Variants in PCSK5 observed in about 807,000 individuals in gnomAD.
The protein encoded by PCSK5 is proprotein convertase subtilisin/kexin type 5.
In PCSK5, 129 loss-of-function variants were observed where a neutral mutation model predicts 233.2. That is an observed-to-expected ratio of 0.55 (90% CI 0.48 to 0.64). The LOEUF (loss-of-function observed/expected upper bound fraction) is 0.64, where lower values mean the gene tolerates loss of function less well. Among genes scored for constraint, PCSK5 ranks in the 30% least tolerant of loss-of-function variants. PCSK5 has a pLI of 0.00. For synonymous variants in PCSK5, 825 were observed against 879.2 expected (o/e 0.94, Z 1.09); for missense variants, 2,076 against 2,430.1 (o/e 0.85, Z 3.06).
At chr9:75,922,999 C>A (rs549515015) in intron 1 of PCSK5, among the ~76,000 whole-genome samples, 1 of 152,180 alleles carries the variant, frequency 6.6e-6, no homozygotes. Flanking sequence ...ACTAATGAGG[C>A]CTTATATTAG....
chr9:76,133,992 C>A, intron 9 of PCSK5, 117 bp from the exon 10 acceptor site: 1 of 688,168 alleles, frequency 1.5e-6, no homozygotes, highest in Non-Finnish European at 2.5e-6. Flanking sequence ...AAATCTCTGA[C>A]CCTTTGTTTT....
chr9:76,074,957 T>C (rs1830594080), intron 7 of PCSK5, among the ~76,000 whole-genome samples: 1 of 152,118 alleles, frequency 6.6e-6, no homozygotes, highest in Non-Finnish European at 1.5e-5. Context: ...TGGTGGCTCA[T>C]GCCTGTAATC....
rs149721091 is a variant in PCSK5 at position 76,334,827 on chromosome 9, C to T, written c.4748+2217C>T. ...GTGTGGTGGCTCATGCCTGTAATTC[C>T]AGCACTTTCAAAGGCTGAGGCGGGC... On this transcript the variant is annotated intron_variant, in intron 34 of 37. Coordinates refer to ENST00000674117, the MANE Select transcript of PCSK5 (RefSeq NM_001372043.1). 9.9e-4 allele frequency among the ~76,000 whole-genome samples: 150 copies of T among 152,268 alleles called. 1 individual carries two copies. In the East Asian group the frequency reaches 0.021, roughly 21 times the overall value.
At chr9:75,919,108 A>G (rs990920717) in intron 1 of PCSK5, among the ~76,000 whole-genome samples, 2 of 152,344 alleles carry the variant, frequency 1.3e-5, no homozygotes, top group Admixed American at 6.5e-5. Flanking sequence ...TAGTGCTGCT[A>G]TGTGGTCAGC....
At chr9:76,171,903 T>C (rs979279539) in intron 13 of PCSK5, among the ~76,000 whole-genome samples, 2 of 152,136 alleles carry the variant, frequency 1.3e-5, no homozygotes, top group Admixed American at 6.5e-5. Context: ...ACACCTTTAG[T>C]AAGGGACTTT....
chr9:76,018,888 A>G (rs1358039001), intron 3 of PCSK5, among the ~76,000 whole-genome samples: 1 of 152,088 alleles, frequency 6.6e-6, no homozygotes, highest in Non-Finnish European at 1.5e-5. Flanking sequence ...CTTTACTGGA[A>G]CCTTTCTCCA....
chr9:76,134,251 T>C (rs978976558), intron 10 of PCSK5, 39 bp downstream of exon 10: 5 of 1,273,432 alleles, frequency 3.9e-6, no homozygotes, highest in Non-Finnish European at 3.4e-6. Context: ...GGCAAAATAT[T>C]TTTATTTTTC....
At chr9:76,127,308 T>C (rs1348048499) in intron 9 of PCSK5, among the ~76,000 whole-genome samples, 7 of 152,298 alleles carry the variant, frequency 4.6e-5, no homozygotes, top group Non-Finnish European at 8.8e-5. Flanking sequence ...ATACTTGTAG[T>C]CCTCATTCTA....
chr9:76,102,413 G>C (rs1831801820), intron 8 of PCSK5, among the ~76,000 whole-genome samples: 1 of 152,114 alleles, frequency 6.6e-6, no homozygotes. Context: ...CATTGTGGTA[G>C]TTTTAGAGGA....
At chr9:76,051,979 G>A (rs1297880188) in intron 5 of PCSK5, among the ~76,000 whole-genome samples, 1 of 152,160 alleles carries the variant, frequency 6.6e-6, no homozygotes, top group Non-Finnish European at 1.5e-5. Flanking sequence ...ATAACTAGGG[G>A]CTGCAGACAG....
At chr9:76,026,770 G>A (rs968885762) in intron 4 of PCSK5, among the ~76,000 whole-genome samples, 191 bp from the exon 5 acceptor site, 57 of 152,116 alleles carry the variant, frequency 3.7e-4, no homozygotes, top group Non-Finnish European at 6.3e-4. Context: ...GGAAAAATAT[G>A]GCACTAATTA....
At chr9:76,092,998 C>T (rs1440845046) in intron 7 of PCSK5, among the ~76,000 whole-genome samples, 1 of 150,540 alleles carries the variant, frequency 6.6e-6, no homozygotes, top group Non-Finnish European at 1.5e-5. Flanking sequence ...TACAAGATAA[C>T]TTCAATTACA....
At chr9:75,961,767 G>A (rs776924356) in intron 2 of PCSK5, among the ~76,000 whole-genome samples, 4 of 152,096 alleles carry the variant, frequency 2.6e-5, no homozygotes, top group Non-Finnish European at 4.4e-5. Context: ...TTTTTATATC[G>A]CCTACATGAT....
chr9:76,197,916 G>A (rs181806469), intron 20 of PCSK5, among the ~76,000 whole-genome samples: 1 of 152,216 alleles, frequency 6.6e-6, no homozygotes, highest in East Asian at 1.9e-4. Flanking sequence ...TAGAGCCTTT[G>A]ACATATTTAG....
chr9:76,240,828 T>C, intron 24 of PCSK5, 144 bp downstream of exon 24: 1 of 646,738 alleles, frequency 1.5e-6, no homozygotes, highest in Non-Finnish European at 2.8e-6. Flanking sequence ...TAGGCTTTCT[T>C]CAATACAAAC....
At chr9:76,229,817 T>G (rs544707038) in intron 21 of PCSK5, among the ~76,000 whole-genome samples, 1 of 152,362 alleles carries the variant, frequency 6.6e-6, no homozygotes, top group Non-Finnish European at 1.5e-5. Flanking sequence ...TCTGCCCAGC[T>G]GCTTAGCACT....
chr9:76,117,941 G>A (rs1238033781), intron 9 of PCSK5, among the ~76,000 whole-genome samples: 2 of 152,100 alleles, frequency 1.3e-5, no homozygotes, highest in South Asian at 4.2e-4. Flanking sequence ...CGAACAACTT[G>A]GAAGAATGTC....
chr9:76,155,774 A>C (rs1822548918), intron 10 of PCSK5, among the ~76,000 whole-genome samples: 1 of 152,228 alleles, frequency 6.6e-6, no homozygotes, highest in African/African-American at 2.4e-5. Context: ...TTCATTGGTC[A>C]GAGAGTACTT....
chr9:76,065,011 A>C (rs1357739953), intron 5 of PCSK5, among the ~76,000 whole-genome samples: 1 of 152,208 alleles, frequency 6.6e-6, no homozygotes, highest in African/African-American at 2.4e-5. Context: ...TTTTATGGCT[A>C]ATATTCCATT....
Sources: gnomAD v4.1 joint callset for allele counts (sites outside exome capture counted in the v4.1 genomes callset) on GRCh38, gnomAD v4.1.1 for gene constraint, MANE v1.5 for transcripts, NCBI Gene and HGNC (gene_info 2026-07-23, HGNC 2026-07-21) for gene names.